Variants in APTX observed in about 807,000 individuals in gnomAD.
The protein encoded by APTX is aprataxin.
APTX carries 33 observed loss-of-function variants against 42.3 expected under a neutral mutation model. The ratio of observed to expected loss-of-function variants is 0.78; its 90% CI spans 0.59 to 1.04. The LOEUF (loss-of-function observed/expected upper bound fraction) is 1.04, where lower values mean the gene tolerates loss of function less well. Among genes scored for constraint, APTX ranks in the 50% least tolerant of loss-of-function variants. The pLI is 0.00. For synonymous variants in APTX, 130 were observed against 146.7 expected (o/e 0.89, Z 0.82); for missense variants, 421 against 415.1 (o/e 1.01, Z -0.12).
chr9:32,973,737 C>T (rs956559253), intron 7 of APTX, 85 bp from the exon 8 acceptor site: 26 of 1,529,528 alleles, frequency 1.7e-5, no homozygotes, highest in South Asian at 5.6e-5. Flanking sequence ...AAATCAAAAA[C>T]GTGACTCCAA....
chr9:33,025,078 G>A (rs548995919), exon 1 of APTX: 8 of 152,626 alleles, frequency 5.2e-5, no homozygotes, highest in East Asian at 3.9e-4. Context: ...GGCTCCAGAA[G>A]ATTCCACGAG....
At position 32,983,180 on chromosome 9, in the gene APTX, AAAAT is replaced by A. The variant is rs527763176; in HGVS notation, c.770+1447_770+1450del. On this transcript the variant is annotated intron_variant, in intron 6 of 7. Coordinates refer to ENST00000379817, the MANE Select transcript of APTX (RefSeq NM_001195248.2). ...CCCTAAATATTTACTCAAGGGGAAAAAAATAAATAAAGTACATATGTCTATGATA... is the reference window on the plus strand; with the variant it reads ...CCCTAAATATTTACTCAAGGGGAAAAAAATAAAGTACATATGTCTATGATA... Among the ~76,000 whole-genome samples the A allele has an allele frequency of 8.6e-4, 131 of 152,256 alleles. 1 individual carries two copies. Among genetic ancestry groups the A allele is most frequent in the African/African-American group, 2.9e-3 (121 of 41,544 alleles).
At chr9:32,985,326 G>GTTTT (rs5897530) in intron 5 of APTX, among the ~76,000 whole-genome samples, 20 of 103,060 alleles carry the variant, frequency 1.9e-4, no homozygotes, top group South Asian at 2.9e-4. Context: ...GATGATGCCT[G>GTTTT]TTTTTTTTTT....
chr9:33,017,603 C>G (rs1219444552), intron 1 of APTX, among the ~76,000 whole-genome samples: 1 of 152,000 alleles, frequency 6.6e-6, no homozygotes, highest in African/African-American at 2.4e-5. Flanking sequence ...GACCACAGCA[C>G]AGAGGTTCTC....
At chr9:32,974,810 A>G (rs1428707607) in intron 6 of APTX, among the ~76,000 whole-genome samples, 1 of 152,214 alleles carries the variant, frequency 6.6e-6, no homozygotes, top group African/African-American at 2.4e-5. Context: ...CAAGAAACAA[A>G]ATGGGAAAAG....
intron 1 of APTX, among the ~76,000 whole-genome samples, chr9:33,017,146 A>C (rs563798335): frequency 3.9e-5 from 6 of 152,170 alleles, no homozygotes; most frequent in Non-Finnish European, 5.9e-5. Context: ...TTCAGTGTGG[A>C]CACTAATTAT....
intron 1 of APTX, 46 bp downstream of exon 1, chr9:33,001,521 G>A (rs749617744): frequency 7.4e-6 from 12 of 1,612,766 alleles, no homozygotes; most frequent in Non-Finnish European, 1.0e-5. Context: ...CTCACCCGCG[G>A]CATTGAGCCC....
At chr9:33,016,741 G>A (rs972364095) in intron 1 of APTX, among the ~76,000 whole-genome samples, 11 of 151,668 alleles carry the variant, frequency 7.3e-5, no homozygotes, top group African/African-American at 2.7e-4. Flanking sequence ...ACTGCTAAGA[G>A]GAAAGTCTAC....
upstream of APTX, among the ~76,000 whole-genome samples, chr9:33,006,237 A>G (rs1837128963): frequency 6.6e-6 from 1 of 152,138 alleles, no homozygotes; most frequent in South Asian, 2.1e-4. Flanking sequence ...CCCAGCCAAC[A>G]TAGCAAGACC....
At chr9:32,986,952 G>A (rs951424224) in intron 4 of APTX, among the ~76,000 whole-genome samples, 16 of 152,004 alleles carry the variant, frequency 1.1e-4, no homozygotes, top group African/African-American at 3.4e-4. Context: ...GGGATTACAA[G>A]CATGTGTGTA....
At chr9:32,990,017 C>T (rs1233629582) in intron 1 of APTX, 122 bp from the exon 2 acceptor site, 23 of 1,227,444 alleles carry the variant, frequency 1.9e-5, no homozygotes, top group Non-Finnish European at 2.3e-6. Flanking sequence ...CAAGTGACTT[C>T]ACCACCCTAG....
intron 6 of APTX, chr9:32,979,937 T>G (rs1029500593): frequency 6.0e-6 from 1 of 167,254 alleles, no homozygotes. Flanking sequence ...CCAGCTCCAA[T>G]AGCAGTGTAG....
At chr9:32,987,946 T>C in intron 3 of APTX, 100 bp from the exon 4 acceptor site, 4 of 1,528,570 alleles carry the variant, frequency 2.6e-6, no homozygotes, top group East Asian at 2.3e-5. Context: ...GCCAAGCACC[T>C]TGCCTTATGT....
At chr9:33,022,430 C>A (rs995934032) in intron 1 of APTX, among the ~76,000 whole-genome samples, 5 of 152,248 alleles carry the variant, frequency 3.3e-5, no homozygotes, top group Non-Finnish European at 7.3e-5. Context: ...CCCACTCACA[C>A]ACTGCTGGAA....
In APTX at chr9:32,973,507, C is replaced by A. The variant is rs1335702493; in HGVS notation, c.1020G>T (p.Trp340Cys). Residue 340 changes from tryptophan (W) to cysteine (C), a missense_variant, in exon 8 of 8, where the codon TGG becomes TGT. Transcript: ENST00000379817. The stretch of plus-strand genomic sequence containing the variant: ...CTCAGGCTCTGCAGAATCACTGTGT[C>A]CAGTGCTTCCTGAGATGTTCTTTCA... The part of the protein sequence containing the change: ...PQLKEHLRKH[W>C]TQ 3 of 1,613,946 alleles carry A rather than the reference C, an allele frequency of 1.9e-6. No homozygotes were observed. Among genetic ancestry groups the A allele is most frequent in the South Asian group, 1.1e-5 (1 of 91,056 alleles).
intron 1 of APTX, among the ~76,000 whole-genome samples, chr9:32,995,255 C>G (rs906231980): frequency 6.6e-6 from 1 of 152,092 alleles, no homozygotes; most frequent in African/African-American, 2.4e-5. Context: ...AATTGAAAAC[C>G]TTCTGAAAAG....
At chr9:33,005,951 A>G (rs1196834627), upstream of APTX, among the ~76,000 whole-genome samples, 1 of 152,160 alleles carries the variant, frequency 6.6e-6, no homozygotes, top group East Asian at 1.9e-4. Flanking sequence ...TCTTTACACT[A>G]GTACTGCACT....
rs558282400 is a variant in APTX, at chr9:33,019,667, A to G, written c.-5+5356T>C. The G allele has an allele frequency of 2.9e-5, 13 of 446,712 alleles. No homozygotes were observed. In the South Asian group the frequency reaches 5.9e-4, roughly 20 times the overall value. 27.7% of individuals were successfully genotyped at this position (446,712 alleles called of 1,614,324 possible). A position where few individuals can be genotyped will look rare whatever the true frequency, so the allele number is the denominator to read the frequency against. On this transcript the variant is annotated intron_variant, in intron 1 of 6. Coordinates refer to the APTX transcript ENST00000436040. ...GGATGCACTGCCTAGGAGGAGACGC[A>G]AGGTTAGACCTCGCCCCATTTTCCC...
rs1828505019 is a variant in APTX, at chr9:32,973,405, G to A, written c.*93C>T. 7.1e-7 allele frequency: 1 copy of A among 1,405,880 alleles called. No individual in the cohort carries two copies. The highest frequency in any genetic ancestry group is 1.0e-6 in the Non-Finnish European group (1 of 994,484). The allele number at this position is 1,405,880 out of a possible 1,614,324, so 87.1% of individuals were successfully genotyped here. On this transcript the variant is annotated 3_prime_UTR_variant, in exon 8 of 8. Coordinates refer to ENST00000379817, the MANE Select transcript of APTX (RefSeq NM_001195248.2). ...TGAAAAAGCTGCATGTTTTAATTTA[G>A]GAAATGAGTAGAAGTTCACAAGCAA...
Sources: gnomAD v4.1 joint callset for allele counts (sites outside exome capture counted in the v4.1 genomes callset) on GRCh38, gnomAD v4.1.1 for gene constraint, MANE v1.5 for transcripts, NCBI Gene and HGNC (gene_info 2026-07-23, HGNC 2026-07-21) for gene names.